Variants in PTPRD observed in about 807,000 individuals in gnomAD.
PTPRD encodes the protein receptor-type tyrosine-protein phosphatase delta.
PTPRD carries 34 observed loss-of-function variants against 214.5 expected under a neutral mutation model. That is an observed-to-expected ratio of 0.16 (90% confidence interval 0.12 to 0.21). The LOEUF (loss-of-function observed/expected upper bound fraction) is 0.21. Ranked by LOEUF, PTPRD falls within the 10% of genes least tolerant of loss-of-function variation. The probability of loss-of-function intolerance (pLI) is 1.00; values close to 1 mark genes in which losing one functional copy is unlikely to be tolerated. For missense variants in PTPRD, 2,545 were observed against 2,398.7 expected (o/e 1.06, Z -1.27); for synonymous variants, 1,128 against 845.7 (o/e 1.33, Z -5.79).
intron 43 of PTPRD, 71 bp downstream of exon 43, chr9:8,338,847 CAGAG>C (rs4008208): frequency 2.7e-3 from 2,876 of 1,067,894 alleles, no homozygotes; most frequent in Admixed American, 0.011. Context: ...GTGCTTCTCC[CAGAG>C]AGAGAGAGAG....
chr9:8,572,956 A>G (rs548724697), intron 14 of PTPRD, among the ~76,000 whole-genome samples: 9 of 152,166 alleles, frequency 5.9e-5, no homozygotes, highest in African/African-American at 1.9e-4. Flanking sequence ...CGTTGTTGAT[A>G]TATTTTAACT....
At chr9:8,414,558 G>A (rs1400158749) in intron 35 of PTPRD, among the ~76,000 whole-genome samples, 2 of 152,032 alleles carry the variant, frequency 1.3e-5, no homozygotes, top group African/African-American at 4.8e-5. Context: ...GAGTTATAGG[G>A]AGAATGGAAG....
chr9:10,462,499 G>C (rs1238718650), intron 2 of PTPRD, among the ~76,000 whole-genome samples: 2 of 152,162 alleles, frequency 1.3e-5, no homozygotes, highest in Admixed American at 6.6e-5. Context: ...TCATTCAAAA[G>C]CCTGTGCTCT....
intron 2 of PTPRD, among the ~76,000 whole-genome samples, chr9:10,578,476 A>T (rs1332049526): frequency 6.6e-6 from 1 of 152,146 alleles, no homozygotes; most frequent in Non-Finnish European, 1.5e-5. Context: ...AATATAAATT[A>T]TATCCATCAA....
chr9:9,034,216 T>C (rs1040955757), intron 10 of PTPRD, among the ~76,000 whole-genome samples: 1 of 152,146 alleles, frequency 6.6e-6, no homozygotes, highest in Non-Finnish European at 1.5e-5. Flanking sequence ...CAGTAGAATA[T>C]AGGTGAATCC....
chr9:9,225,902 G>A (rs1423443090), intron 9 of PTPRD, among the ~76,000 whole-genome samples: 1 of 151,932 alleles, frequency 6.6e-6, no homozygotes, highest in African/African-American at 2.4e-5. Context: ...CCATGTTAAA[G>A]AGTATGAATA....
intron 14 of PTPRD, among the ~76,000 whole-genome samples, chr9:8,617,180 G>C (rs1433136129): frequency 3.3e-5 from 5 of 152,038 alleles, no homozygotes; most frequent in African/African-American, 1.2e-4. Context: ...GGGATGTGAA[G>C]TAAATCAATG....
intron 40 of PTPRD, among the ~76,000 whole-genome samples, chr9:8,341,473 T>A (rs538914873): frequency 1.3e-5 from 2 of 152,114 alleles, no homozygotes; most frequent in East Asian, 1.9e-4. Flanking sequence ...TCTGAAAGTA[T>A]AGTCTCTCAA....
intron 3 of PTPRD, among the ~76,000 whole-genome samples, chr9:10,298,651 G>A (rs2095762732): frequency 2.6e-5 from 4 of 152,038 alleles, no homozygotes; most frequent in African/African-American, 9.6e-5. Context: ...TGATTGTGAT[G>A]CCTTCTTTCA....
At chr9:10,366,281 T>G (rs1221221868) in intron 2 of PTPRD, among the ~76,000 whole-genome samples, 1 of 152,186 alleles carries the variant, frequency 6.6e-6, no homozygotes, top group Non-Finnish European at 1.5e-5. Context: ...ATAGCAAACA[T>G]TATTTTCTGT....
chr9:8,783,687 ATTG>A (rs771755102), intron 11 of PTPRD, among the ~76,000 whole-genome samples: 9 of 152,112 alleles, frequency 5.9e-5, no homozygotes, highest in Admixed American at 2.6e-4. Context: ...GGTTTCCCAG[ATTG>A]TTAAGATGAC....
intron 10 of PTPRD, among the ~76,000 whole-genome samples, chr9:9,027,085 C>T (rs1038476707): frequency 3.3e-5 from 5 of 151,556 alleles, no homozygotes; most frequent in African/African-American, 1.2e-4. Context: ...TGGTGTTCCG[C>T]CCATTACTAT....
chr9:8,472,607 T>C (rs567180492), intron 30 of PTPRD, among the ~76,000 whole-genome samples: 2 of 152,190 alleles, frequency 1.3e-5, no homozygotes, highest in Non-Finnish European at 2.9e-5. Flanking sequence ...AAAAGACATA[T>C]TGCATTTCAA....
At chr9:10,349,669 T>A (rs1283805964) in intron 2 of PTPRD, among the ~76,000 whole-genome samples, 1 of 152,148 alleles carries the variant, frequency 6.6e-6, no homozygotes, top group Non-Finnish European at 1.5e-5. Flanking sequence ...TCATAATATC[T>A]GTTGAATTTA....
intron 8 of PTPRD, among the ~76,000 whole-genome samples, chr9:9,452,875 G>A (rs1221295334): frequency 2.6e-5 from 4 of 151,426 alleles, no homozygotes; most frequent in Non-Finnish European, 5.9e-5. Context: ...ATTTGCTCAA[G>A]CTCTTGAGAT....
At chr9:9,937,787 C>G (rs1052878104) in intron 5 of PTPRD, among the ~76,000 whole-genome samples, 3 of 152,114 alleles carry the variant, frequency 2.0e-5, no homozygotes, top group African/African-American at 7.2e-5. Flanking sequence ...GTAGTTCTTA[C>G]AGTGTATGAA....
chr9:8,640,001 G>C (rs1331306073), intron 12 of PTPRD, among the ~76,000 whole-genome samples: 2 of 152,154 alleles, frequency 1.3e-5, no homozygotes, highest in African/African-American at 2.4e-5. Flanking sequence ...CACGATCAAA[G>C]CTAACTGCAG....
chr9:9,187,608 C>G (rs1475181949), intron 9 of PTPRD, among the ~76,000 whole-genome samples: 2 of 151,926 alleles, frequency 1.3e-5, no homozygotes, highest in Non-Finnish European at 2.9e-5. Flanking sequence ...CTTTCCCTCT[C>G]TCTCTCTCTC....
intron 11 of PTPRD, among the ~76,000 whole-genome samples, chr9:9,005,293 A>G (rs756197218): frequency 1.1e-4 from 17 of 152,106 alleles, no homozygotes; most frequent in Non-Finnish European, 2.2e-4. Context: ...GCTCCTCAAT[A>G]AAATGCAGAT....
Sources: gnomAD v4.1 joint callset for allele counts (sites outside exome capture counted in the v4.1 genomes callset) on GRCh38, gnomAD v4.1.1 for gene constraint, MANE v1.5 for transcripts, NCBI Gene and HGNC (gene_info 2026-07-23, HGNC 2026-07-21) for gene names.